Variants in CHIC2 observed in about 807,000 individuals in gnomAD.
The protein encoded by CHIC2 is cysteine-rich hydrophobic domain-containing protein 2.
In CHIC2, 14 loss-of-function variants were observed where a neutral mutation model predicts 25.9. That is an observed-to-expected ratio of 0.54 (90% CI 0.36 to 0.85). The LOEUF is 0.85. CHIC2 is among the 40% of genes least tolerant of loss of function. CHIC2 has a pLI of 0.01. For missense variants in CHIC2, 146 were observed against 202.0 expected (o/e 0.72, Z 1.68); for synonymous variants, 70 against 72.0 (o/e 0.97, Z 0.14).
At position 54,022,953 on chromosome 4, in the gene CHIC2, C is replaced by CA. The variant is rs549742788; in HGVS notation, c.331-8835dup. Reference sequence around the variant, plus strand: ...GGTTAGTTCAGGATCTGTGCCTTAGCAACCAAATTGTCTTGCCTAGCCACC... The same window carrying CA: ...GGTTAGTTCAGGATCTGTGCCTTAGCAAACCAAATTGTCTTGCCTAGCCACC... On this transcript the variant is annotated intron_variant, in intron 3 of 5. Coordinates refer to ENST00000263921, the MANE Select transcript of CHIC2 (RefSeq NM_012110.4). Among the ~76,000 whole-genome samples, 29 of 152,288 alleles carry CA rather than the reference C, an allele frequency of 1.9e-4. No individual in the cohort carries two copies. In the East Asian group the frequency reaches 5.6e-3, roughly 29 times the overall value.
the CHIC2 span, among the ~76,000 whole-genome samples, chr4:54,083,485 C>T: frequency 6.6e-6 from 1 of 152,160 alleles, no homozygotes; most frequent in Non-Finnish European, 1.5e-5. Flanking sequence ...CAACAAAAAA[C>T]TGCTTATCTT....
chr4:54,016,694 G>T (rs188971665), intron 3 of CHIC2, among the ~76,000 whole-genome samples: 71 of 152,102 alleles, frequency 4.7e-4, no homozygotes, highest in South Asian at 8.3e-4. Context: ...ACTTGCACGT[G>T]CAGCTTAATT....
chr4:54,070,445 C>T, the CHIC2 span, among the ~76,000 whole-genome samples: 3 of 151,724 alleles, frequency 2.0e-5, no homozygotes, highest in East Asian at 1.9e-4. Flanking sequence ...TATTTTGAGA[C>T]GGAGTTTACT....
At chr4:54,058,724 C>A (rs1300518576) in intron 1 of CHIC2, among the ~76,000 whole-genome samples, 1 of 152,096 alleles carries the variant, frequency 6.6e-6, no homozygotes, top group Non-Finnish European at 1.5e-5. Context: ...CCAGACACAG[C>A]TATTAGAGAT....
intron 3 of CHIC2, among the ~76,000 whole-genome samples, chr4:54,025,649 A>C (rs895730741): frequency 6.6e-6 from 1 of 151,964 alleles, no homozygotes; most frequent in East Asian, 1.9e-4. Context: ...ACTTGAGCCT[A>C]GAAGTTCGAG....
chr4:54,070,414 T>G, the CHIC2 span, among the ~76,000 whole-genome samples: 1 of 143,388 alleles, frequency 7.0e-6, no homozygotes, highest in Non-Finnish European at 1.6e-5. Flanking sequence ...ATTTATGTAT[T>G]TATGTATTTA....
In CHIC2 at chr4:54,058,311, G is replaced by A. The variant is rs180888648; in HGVS notation, c.119+5871C>T. On this transcript the variant is annotated intron_variant, in intron 1 of 5. Coordinates refer to ENST00000263921, the MANE Select transcript of CHIC2 (RefSeq NM_012110.4). The stretch of plus-strand genomic sequence containing the variant: ...CTCTAAGGTGGATATTATCTCTTTC[G>A]CAGATGAAAAAACTGAAGTTCGGAA... 2.6e-5 allele frequency among the ~76,000 whole-genome samples: 4 copies of A among 152,032 alleles called. 1 individual carries two copies. Among genetic ancestry groups the A allele is most frequent in the South Asian group, 4.2e-4 (2 of 4,814 alleles).
the CHIC2 span, among the ~76,000 whole-genome samples, chr4:54,081,624 A>G: frequency 1.3e-5 from 2 of 152,180 alleles, no homozygotes; most frequent in Non-Finnish European, 2.9e-5. Flanking sequence ...TACCTCTGGT[A>G]TAATTTCTAT....
chr4:54,089,045 A>G, the CHIC2 span, among the ~76,000 whole-genome samples: 1 of 152,076 alleles, frequency 6.6e-6, no homozygotes, highest in Admixed American at 6.6e-5. Context: ...AGTGTATAAA[A>G]CTGTAGGTAG....
intron 3 of CHIC2, among the ~76,000 whole-genome samples, chr4:54,034,589 A>T (rs1716329419): frequency 6.6e-6 from 1 of 151,730 alleles, no homozygotes; most frequent in East Asian, 1.9e-4. Flanking sequence ...TTTCATTTTA[A>T]TTTTTTATTT....
chr4:54,060,014 C>T (rs911643149), intron 1 of CHIC2: 2 of 152,136 alleles, frequency 1.3e-5, no homozygotes, highest in Non-Finnish European at 2.9e-5. Context: ...TAAAGTTTAA[C>T]AAAATTGTTT....
intron 3 of CHIC2, among the ~76,000 whole-genome samples, chr4:54,040,588 C>T (rs924742604): frequency 4.6e-5 from 7 of 151,378 alleles, no homozygotes; most frequent in African/African-American, 1.7e-4. Context: ...GTAATTCCAG[C>T]TACTCCGGAG....
chr4:54,029,909 T>C (rs1040642171), intron 3 of CHIC2, among the ~76,000 whole-genome samples: 4 of 152,198 alleles, frequency 2.6e-5, no homozygotes, highest in Non-Finnish European at 4.4e-5. Context: ...CATTCTAACT[T>C]AAAAACAAAA....
intron 3 of CHIC2, among the ~76,000 whole-genome samples, chr4:54,028,685 T>C (rs1716131963): frequency 6.6e-6 from 1 of 152,280 alleles, no homozygotes; most frequent in Non-Finnish European, 1.5e-5. Flanking sequence ...TTGTTCCTTG[T>C]AGTCTATTAT....
chr4:54,078,854 A>G, the CHIC2 span, among the ~76,000 whole-genome samples: 1 of 152,050 alleles, frequency 6.6e-6, no homozygotes, highest in East Asian at 1.9e-4. Flanking sequence ...ATGTTTTCCT[A>G]CATGACATTA....
intron 3 of CHIC2, among the ~76,000 whole-genome samples, chr4:54,020,890 A>G (rs1206369270): frequency 2.0e-5 from 3 of 152,158 alleles, no homozygotes; most frequent in South Asian, 2.1e-4. Context: ...TGATCACTGC[A>G]GGGACGCCTG....
intron 3 of CHIC2, among the ~76,000 whole-genome samples, chr4:54,022,332 G>GGTA (rs1715926893): frequency 6.6e-6 from 1 of 151,980 alleles, no homozygotes. Flanking sequence ...AGACGCTCTG[G>GGTA]GTAACTCTTA....
chr4:54,013,635 A>G (rs1223498435), intron 5 of CHIC2, among the ~76,000 whole-genome samples: 3 of 152,270 alleles, frequency 2.0e-5, no homozygotes, highest in Admixed American at 6.5e-5. Flanking sequence ...AACACAGTGA[A>G]GCCTTGTTTT....
rs562011640 is a variant in CHIC2 at position 54,025,836 on chromosome 4, C to G, written c.331-11717G>C. ...TGTCACTGCACTCCACCCTGGGCAA[C>G]AGAGTAAGACCCTGTCTCAAAAAAA... On this transcript the variant is annotated intron_variant, in intron 3 of 5. Transcript: ENST00000263921. Among the ~76,000 whole-genome samples the G allele has an allele frequency of 2.0e-3, 266 of 133,162 alleles. 2 individuals carry two copies. The highest frequency in any genetic ancestry group is 1.3e-3 in the Non-Finnish European group (83 of 62,878). 87.4% of individuals were successfully genotyped at this position (133,162 alleles called of 152,430 possible).
Sources: gnomAD v4.1 joint callset for allele counts (sites outside exome capture counted in the v4.1 genomes callset) on GRCh38, gnomAD v4.1.1 for gene constraint, MANE v1.5 for transcripts, NCBI Gene and HGNC (gene_info 2026-07-23, HGNC 2026-07-21) for gene names.